EMP1: variants seen among roughly 807,000 people sequenced by gnomAD.
EMP1 encodes the protein epithelial membrane protein 1, also known as tumor-associated membrane protein.
EMP1 carries 5 observed loss-of-function variants against 15.7 expected under a neutral mutation model. The ratio of observed to expected loss-of-function variants is 0.32; its 90% CI spans 0.17 to 0.67. The LOEUF (loss-of-function observed/expected upper bound fraction) is 0.67. Ranked by LOEUF, EMP1 falls within the 30% of genes least tolerant of loss-of-function variation. The pLI, the probability that EMP1 is intolerant of heterozygous loss-of-function variation, is 0.74. For synonymous variants in EMP1, 78 were observed against 76.7 expected, an observed-to-expected ratio of 1.02 and a Z score of -0.09; for missense variants, 166 against 194.2, an observed-to-expected ratio of 0.85 and a Z score of 0.86.
At chr12:13,198,505 T>C (rs1419144695) in intron 1 of EMP1, among the ~76,000 whole-genome samples, 1 of 152,226 alleles carries the variant, frequency 6.6e-6, no homozygotes, top group East Asian at 1.9e-4. Flanking sequence ...AGGGGGACGA[T>C]TGAGTAGGCA....
intron 1 of EMP1, among the ~76,000 whole-genome samples, chr12:13,199,921 A>G (rs1042994527): frequency 6.7e-6 from 1 of 148,734 alleles, no homozygotes; most frequent in Admixed American, 6.7e-5. Flanking sequence ...ATACAACTTG[A>G]TGGATCTACA....
chr12:13,212,992 A>G (rs1000154151), intron 2 of EMP1, among the ~76,000 whole-genome samples: 5 of 152,198 alleles, frequency 3.3e-5, no homozygotes, highest in African/African-American at 1.2e-4. Context: ...GTGGCTTATT[A>G]ACCACTAGAT....
At chr12:13,210,546 C>T (rs935524500) in intron 1 of EMP1, among the ~76,000 whole-genome samples, 2 of 152,166 alleles carry the variant, frequency 1.3e-5, no homozygotes, top group Non-Finnish European at 1.5e-5. Context: ...CATTCTTAAT[C>T]GATATTAGTT....
intron 4 of EMP1, 194 bp downstream of exon 4, chr12:13,214,015 C>A: frequency 1.2e-6 from 1 of 835,556 alleles, no homozygotes; most frequent in South Asian, 1.4e-5. Flanking sequence ...CTTCATTGTT[C>A]AAAACCAGTG....
chr12:13,211,363 G>A lies in EMP1; in HGVS notation c.-42-106G>A. 1 of 756,676 alleles carries A rather than the reference G, an allele frequency of 1.3e-6. No individual in the cohort carries two copies. Among genetic ancestry groups the A allele is most frequent in the Non-Finnish European group, 2.2e-6 (1 of 444,556 alleles). 46.9% of individuals were successfully genotyped at this position (756,676 alleles called of 1,614,324 possible). ...TATGATTAGATTGTGATGGTTTTTA[G>A]TGCAGCTCTTCCTCATGTTAGCAGA... On this transcript the variant is annotated intron_variant, in intron 1 of 4. Coordinates refer to ENST00000256951, the MANE Select transcript of EMP1 (RefSeq NM_001423.3). This position sits in a 1 kb window ranked among gnomAD's most constrained non-coding sequence, Gnocchi z 4.7.
Position 13,219,554 on chromosome 12 carries a change from C to G in EMP1, c.*4863C>G, listed in dbSNP as rs1434379230. The G allele has an allele frequency of 6.6e-6, 1 of 152,180 alleles. No individual in the cohort carries two copies. Among genetic ancestry groups the G allele is most frequent in the Non-Finnish European group, 1.5e-5 (1 of 68,034 alleles). 9.4% of individuals were successfully genotyped at this position (152,180 alleles called of 1,614,324 possible). A position where few individuals can be genotyped will look rare whatever the true frequency, so the allele number is the denominator to read the frequency against. On this transcript the variant is annotated 3_prime_UTR_variant, in exon 5 of 5. Coordinates refer to ENST00000256951, the MANE Select transcript of EMP1 (RefSeq NM_001423.3). ...TATAGCAATGCCCCACTCCTGGTAC[C>G]AAATTCCTGTATTAGTCTGTTTTCA...
Position 13,212,725 on chromosome 12 carries a change from C to T in EMP1, c.79-754C>T, listed in dbSNP as rs114271246. Among the ~76,000 whole-genome samples, 1,503 of 152,330 alleles carry T rather than the reference C, an allele frequency of 9.9e-3. 24 individuals are homozygous for T. Among genetic ancestry groups the T allele is most frequent in the African/African-American group, 0.033 (1,360 of 41,570 alleles). ...GATTGGCGTAGGTGATGCATGTTCCCGGCCCCACCTTTCCAGTGTGTGCAT... is the reference window on the plus strand; with the variant it reads ...GATTGGCGTAGGTGATGCATGTTCCTGGCCCCACCTTTCCAGTGTGTGCAT... On this transcript the variant is annotated intron_variant, in intron 2 of 4. Coordinates refer to ENST00000256951, the MANE Select transcript of EMP1 (RefSeq NM_001423.3).
At position 13,214,522 on chromosome 12, in the gene EMP1, T is replaced by C. The variant is rs756594946; in HGVS notation, c.317-12T>C. On this transcript the variant is annotated splice_polypyrimidine_tract_variant and intron_variant, in intron 4 of 4. Transcript: ENST00000256951. ...AAGAAAACACACCGACAAATCTCCT[T>C]TTCCCCTGCAGGGCTGTGCATTCTT... 1.2e-6 allele frequency: 2 copies of C among 1,610,168 alleles called. No individual in the cohort carries two copies. The highest frequency in any genetic ancestry group is 1.7e-5 in the Admixed American group (1 of 59,612).
In EMP1 at chr12:13,214,580, G is replaced by A. The variant is rs369962161; in HGVS notation, c.363G>A (p.Ala121=). 7 of 1,613,878 alleles carry A rather than the reference G, an allele frequency of 4.3e-6. No individual in the cohort carries two copies. Among genetic ancestry groups the A allele is most frequent in the South Asian group, 2.2e-5 (2 of 91,062 alleles). Residue 121 remains alanine (A), a synonymous_variant, in exon 5 of 5, where the codon GCG becomes GCA. Transcript: ENST00000256951. ...VGVSIYTSHY[A]NRDGTQYHHG... is the part of the protein sequence containing the mutation. The stretch of plus-strand genomic sequence containing the variant: ...TGTCCATCTACACTAGTCATTATGC[G>A]AATCGTGATGGAACGCAGTATCACC...
chr12:13,214,664 T>A lies in EMP1; in HGVS notation c.447T>A (p.Val149=), dbSNP rs761835030. 7.4e-6 allele frequency: 12 copies of A among 1,613,330 alleles called. No homozygotes were observed. The Admixed American group carries it at 2.0e-4, about 27-fold the overall frequency. The change falls in exon 5 of 5, where the codon GTT becomes GTA. Residue 149 remains valine (V), a synonymous_variant. Transcript: ENST00000256951. The stretch of plus-strand genomic sequence containing the variant: ...TCTGCTTCAGCTTCATCATCGGCGT[T>A]CTCTATCTGGTCCTGAGAAAGAAAT... ...ICFCFSFIIG[V]LYLVLRKK
chr12:13,198,339 G>T (rs1864032884), intron 1 of EMP1, among the ~76,000 whole-genome samples: 1 of 152,016 alleles, frequency 6.6e-6, no homozygotes. Flanking sequence ...ATAGACACTG[G>T]TATATTTTTT....
rs997605074 is a variant in EMP1, at chr12:13,211,164, C to T, written c.-42-305C>T. 1.3e-5 allele frequency among the ~76,000 whole-genome samples: 2 copies of T among 152,074 alleles called. No individual in the cohort carries two copies. The highest frequency in any genetic ancestry group is 4.8e-5 in the African/African-American group (2 of 41,400). Reference sequence around the variant, plus strand: ...TCTAAAACACAAACAAAATAAAATACGAACAGTTATCATAAAATGTTCTTG... The same window carrying T: ...TCTAAAACACAAACAAAATAAAATATGAACAGTTATCATAAAATGTTCTTG... On this transcript the variant is annotated intron_variant, in intron 1 of 4. Coordinates refer to ENST00000256951, the MANE Select transcript of EMP1 (RefSeq NM_001423.3). This position sits in a 1 kb window ranked among gnomAD's most constrained non-coding sequence, Gnocchi z 4.7.
rs555852600 is a variant in EMP1, at chr12:13,198,200, A to C, written c.-43+1328A>C. ...CTTGTTCCCGAAATGTGATTGTATAAATGCAAACACTCATGCTAATCATGA... is the reference window on the plus strand; with the variant it reads ...CTTGTTCCCGAAATGTGATTGTATACATGCAAACACTCATGCTAATCATGA... On this transcript the variant is annotated intron_variant, in intron 1 of 4. Transcript: ENST00000256951. 1.2e-4 allele frequency among the ~76,000 whole-genome samples: 18 copies of C among 152,358 alleles called. No individual in the cohort carries two copies. The East Asian group carries it at 2.9e-3, about 24-fold the overall frequency.
intron 1 of EMP1, among the ~76,000 whole-genome samples, chr12:13,203,746 T>TGA (rs1156562342): frequency 6.6e-6 from 1 of 152,220 alleles, no homozygotes; most frequent in Non-Finnish European, 1.5e-5. Context: ...GGATTGGAGC[T>TGA]GAGAATCCCT....
intron 1 of EMP1, among the ~76,000 whole-genome samples, chr12:13,203,879 TTC>T (rs1864087488): frequency 6.6e-6 from 1 of 151,856 alleles, no homozygotes; most frequent in Non-Finnish European, 1.5e-5. Context: ...CTCCAATAGG[TTC>T]TCTCTCTCTC....
chr12:13,200,668 A>G (rs1390508569), intron 1 of EMP1, among the ~76,000 whole-genome samples: 1 of 152,206 alleles, frequency 6.6e-6, no homozygotes, highest in Non-Finnish European at 1.5e-5. Context: ...CTGCCTGGGT[A>G]AAACCATTTC....
chr12:13,216,131 A>G lies in EMP1; in HGVS notation c.*1440A>G. ...GGCATTGCTTTGCCCTGGAGCAGCT[A>G]TTTTAAGCCATCTCAGATTCTGTCT... On this transcript the variant is annotated 3_prime_UTR_variant, in exon 5 of 5. Transcript: ENST00000256951. The G allele has an allele frequency of 2.3e-6, 1 of 434,414 alleles. No homozygotes were observed. The highest frequency in any genetic ancestry group is 4.1e-6 in the Non-Finnish European group (1 of 241,860). 26.9% of individuals were successfully genotyped at this position (434,414 alleles called of 1,614,324 possible). A position where few individuals can be genotyped will look rare whatever the true frequency, so the allele number is the denominator to read the frequency against.
rs191016373 is a variant in EMP1 at position 13,215,696 on chromosome 12, A to C, written c.*1005A>C. 1 of 152,560 alleles carries C rather than the reference A, an allele frequency of 6.6e-6. No individual in the cohort carries two copies. The highest frequency in any genetic ancestry group is 1.5e-5 in the Non-Finnish European group (1 of 68,102). 9.5% of individuals were successfully genotyped at this position (152,560 alleles called of 1,614,324 possible). On this transcript the variant is annotated 3_prime_UTR_variant, in exon 5 of 5. Transcript: ENST00000256951. ...TGTCTAATTATCAATATTGAGGATC[A>C]GGGCTCCTAGGCTCAGTGGTAGCTC...
intron 1 of EMP1, among the ~76,000 whole-genome samples, chr12:13,202,162 C>G (rs1864071719): frequency 1.3e-5 from 2 of 152,182 alleles, no homozygotes; most frequent in Admixed American, 1.3e-4. Context: ...TTCCATCCTT[C>G]CACTCTTGTT....
Sources: allele counts gnomAD v4.1 joint callset (sites outside exome capture counted in the v4.1 genomes callset), GRCh38; gene constraint gnomAD v4.1.1; non-coding constraint Gnocchi (gnomAD v3.1); transcripts MANE v1.5; gene names NCBI Gene and HGNC (gene_info 2026-07-23, HGNC 2026-07-21).